Variants in CACNA2D1 observed in about 807,000 individuals in gnomAD.
CACNA2D1 encodes calcium voltage-gated channel auxiliary subunit alpha2delta 1, also known as voltage-dependent calcium channel subunit alpha-2/delta-1.
A neutral mutation model predicts 171.5 loss-of-function variants in CACNA2D1; 53 were observed. The observed-to-expected ratio is 0.31, with a 90% confidence interval of 0.25 to 0.39. CACNA2D1 has a LOEUF of 0.39. Among genes scored for constraint, CACNA2D1 ranks in the 10% least tolerant of loss-of-function variants. The pLI, the probability that CACNA2D1 is intolerant of heterozygous loss-of-function variation, is 1.00. For synonymous variants in CACNA2D1, 442 were observed against 443.1 expected, an observed-to-expected ratio of 1.00 and a Z score of 0.03; for missense variants, 903 against 1,299.8, an observed-to-expected ratio of 0.69 and a Z score of 4.69.
chr7:82,133,942 G>A (rs558505465), intron 5 of CACNA2D1, among the ~76,000 whole-genome samples: 125 of 152,034 alleles, frequency 8.2e-4, no homozygotes, highest in Middle Eastern at 3.4e-3. Flanking sequence ...GCATGGTGGC[G>A]GGCGCCTGTA....
intron 3 of CACNA2D1, among the ~76,000 whole-genome samples, chr7:82,275,110 A>G (rs1275789303): frequency 6.6e-6 from 1 of 152,206 alleles, no homozygotes; most frequent in Non-Finnish European, 1.5e-5. Context: ...TACAATGCAC[A>G]GCTTTTTCCA....
chr7:81,968,995 AAAACACCTATC>A (rs1221360821), intron 28 of CACNA2D1, 22 bp from the exon 29 acceptor site: 1 of 1,225,996 alleles, frequency 8.2e-7, no homozygotes, highest in Non-Finnish European at 1.2e-6. Context: ...ATAAATAAAT[AAAACACCTATC>A]AAGATATATT....
intron 3 of CACNA2D1, among the ~76,000 whole-genome samples, chr7:82,331,688 T>C (rs957933324): frequency 6.6e-6 from 1 of 152,184 alleles, no homozygotes; most frequent in Non-Finnish European, 1.5e-5. Flanking sequence ...TGAGCTTCCA[T>C]TCCAAATGAG....
At chr7:82,397,345 T>C (rs532814597) in intron 1 of CACNA2D1, among the ~76,000 whole-genome samples, 56 of 152,324 alleles carry the variant, frequency 3.7e-4, no homozygotes, top group African/African-American at 1.3e-3. Flanking sequence ...TTTATTTTAA[T>C]ATACCTATAC....
At chr7:82,190,694 A>C (rs1798204816) in intron 3 of CACNA2D1, among the ~76,000 whole-genome samples, 1 of 151,692 alleles carries the variant, frequency 6.6e-6, no homozygotes, top group African/African-American at 2.4e-5. Flanking sequence ...AATCCTCCCA[A>C]TATCCTTAAA....
chr7:82,322,885 A>G (rs1816174932), intron 3 of CACNA2D1, among the ~76,000 whole-genome samples: 1 of 152,210 alleles, frequency 6.6e-6, no homozygotes, highest in Admixed American at 6.5e-5. Flanking sequence ...TCATTCAGTA[A>G]AAGTTAGCAA....
chr7:82,005,885 G>T, intron 16 of CACNA2D1, 46 bp from the exon 17 acceptor site: 1 of 1,064,680 alleles, frequency 9.4e-7, no homozygotes, highest in Non-Finnish European at 1.5e-6. Context: ...AAAAATTTAC[G>T]TATTTTTACA....
At chr7:82,066,569 T>G (rs1334851791) in intron 7 of CACNA2D1, 45 bp from the exon 8 acceptor site, 1 of 1,553,418 alleles carries the variant, frequency 6.4e-7, no homozygotes. Flanking sequence ...AAATATTAGA[T>G]ATGCTCTAAA....
At chr7:82,284,457 T>C (rs537849639) in intron 3 of CACNA2D1, among the ~76,000 whole-genome samples, 26 of 152,288 alleles carry the variant, frequency 1.7e-4, no homozygotes, top group African/African-American at 6.3e-4. Flanking sequence ...CCATTCAGGC[T>C]GCTGTAACAA....
chr7:81,980,930 A>T (rs1044114942), intron 24 of CACNA2D1, among the ~76,000 whole-genome samples: 3 of 152,220 alleles, frequency 2.0e-5, no homozygotes, highest in African/African-American at 7.2e-5. Flanking sequence ...GGAAACAATT[A>T]TTTATAAGAT....
Position 82,377,453 on chromosome 7 carries a change from A to C in CACNA2D1, c.96-27804T>G, listed in dbSNP as rs561278962. Among the ~76,000 whole-genome samples, 67 of 152,272 alleles carry C rather than the reference A, an allele frequency of 4.4e-4. 1 individual carries two copies. Among genetic ancestry groups the C allele is most frequent in the African/African-American group, 1.5e-3 (64 of 41,542 alleles). On this transcript the variant is annotated intron_variant, in intron 1 of 38. Coordinates refer to ENST00000356860, the MANE Select transcript of CACNA2D1 (RefSeq NM_000722.4). ...TTCTAACAAGAATGCAGGCAGAAAA[A>C]TCTAATAAAAATTATGAGAGGAATT...
At chr7:82,217,842 T>C (rs987868975) in intron 3 of CACNA2D1, among the ~76,000 whole-genome samples, 9 of 151,782 alleles carry the variant, frequency 5.9e-5, no homozygotes, top group African/African-American at 1.9e-4. Flanking sequence ...ATCAGTGACC[T>C]ACCTACATGT....
At chr7:82,058,962 T>C (rs1806274497) in intron 10 of CACNA2D1, among the ~76,000 whole-genome samples, 1 of 152,142 alleles carries the variant, frequency 6.6e-6, no homozygotes, top group Admixed American at 6.6e-5. Context: ...ACTAAAAACA[T>C]TTCAGGGATA....
At position 82,184,851 on chromosome 7, in the gene CACNA2D1, T is replaced by C. The variant is rs186236762; in HGVS notation, c.295-14242A>G. ...AATGAGAAATAAAGAAGGGCTGATA[T>C]ATTTTCACTACTTACTCTTTACCAA... is the stretch of plus-strand genomic sequence containing the variant. On this transcript the variant is annotated intron_variant, in intron 3 of 38. Coordinates refer to ENST00000356860, the MANE Select transcript of CACNA2D1 (RefSeq NM_000722.4). Among the ~76,000 whole-genome samples the C allele has an allele frequency of 2.8e-4, 42 of 152,348 alleles. 1 individual carries two copies. Among genetic ancestry groups the C allele is most frequent in the Admixed American group, 5.2e-4 (8 of 15,302 alleles).
chr7:82,313,031 G>A (rs1282887940), intron 3 of CACNA2D1, among the ~76,000 whole-genome samples: 2 of 152,144 alleles, frequency 1.3e-5, no homozygotes, highest in African/African-American at 2.4e-5. Context: ...TGGTTTGAGA[G>A]TCCATCTGCA....
intron 13 of CACNA2D1, among the ~76,000 whole-genome samples, chr7:82,014,047 GA>G (rs1800124022): frequency 6.6e-6 from 1 of 151,872 alleles, no homozygotes; most frequent in Non-Finnish European, 1.5e-5. Flanking sequence ...ACCACTCAGA[GA>G]AAAAAATATG....
intron 3 of CACNA2D1, among the ~76,000 whole-genome samples, chr7:82,276,103 G>A (rs771499030): frequency 2.0e-5 from 3 of 152,156 alleles, no homozygotes; most frequent in Non-Finnish European, 2.9e-5. Flanking sequence ...GAGCCATCAG[G>A]TTTCTGCAGA....
At chr7:82,130,866 G>A (rs562281207) in intron 5 of CACNA2D1, among the ~76,000 whole-genome samples, 1 of 142,098 alleles carries the variant, frequency 7.0e-6, no homozygotes, top group Non-Finnish European at 1.5e-5. Flanking sequence ...GCACAATCTC[G>A]GCTCACTGCA....
At chr7:82,286,286 A>G (rs752675112) in intron 3 of CACNA2D1, among the ~76,000 whole-genome samples, 1 of 152,034 alleles carries the variant, frequency 6.6e-6, no homozygotes, top group Non-Finnish European at 1.5e-5. Context: ...CTGTCTTATC[A>G]CTGTCCCTGT....
Sources: allele counts gnomAD v4.1 joint callset (sites outside exome capture counted in the v4.1 genomes callset), GRCh38; gene constraint gnomAD v4.1.1; transcripts MANE v1.5; gene names NCBI Gene and HGNC (gene_info 2026-07-23, HGNC 2026-07-21).